The following DAB2IP variants were observed in gnomAD, a reference collection of about 807,000 sequenced individuals.
DAB2IP encodes the protein DAB2 interacting protein, also known as disabled homolog 2-interacting protein.
A neutral mutation model predicts 107.2 loss-of-function variants in DAB2IP; 28 were observed. The observed-to-expected ratio is 0.26, with a 90% confidence interval of 0.19 to 0.36. The LOEUF is 0.36. DAB2IP is among the 10% of genes least tolerant of loss of function. DAB2IP has a pLI of 1.00. For missense variants in DAB2IP, 1,400 were observed against 1,644.7 expected, an observed-to-expected ratio of 0.85 and a Z score of 2.57; for synonymous variants, 755 against 706.4, an observed-to-expected ratio of 1.07 and a Z score of -1.09.
upstream of DAB2IP, among the ~76,000 whole-genome samples, chr9:121,650,787 A>G (rs1832713163): frequency 6.6e-6 from 1 of 152,194 alleles, no homozygotes. Flanking sequence ...GGTCGGGTGG[A>G]GAAAATAGCC....
intron 1 of DAB2IP, among the ~76,000 whole-genome samples, chr9:121,602,091 C>T (rs1830702341): frequency 6.6e-6 from 1 of 152,134 alleles, no homozygotes; most frequent in Non-Finnish European, 1.5e-5. Context: ...AGTTCGAGGA[C>T]CATAGCACTA....
intron 1 of DAB2IP, among the ~76,000 whole-genome samples, chr9:121,644,036 G>A (rs1242179426): frequency 6.6e-6 from 1 of 151,932 alleles, no homozygotes; most frequent in Admixed American, 6.6e-5. Context: ...AGGCATGGTG[G>A]CACACACGCC....
At chr9:121,768,871 G>A (rs1052068557) in intron 10 of DAB2IP, among the ~76,000 whole-genome samples, 3 of 152,208 alleles carry the variant, frequency 2.0e-5, no homozygotes, top group Non-Finnish European at 2.9e-5. Flanking sequence ...GGGGTGTTCC[G>A]CATGCACTCA....
At chr9:121,666,741 G>A (rs1398160367) in intron 1 of DAB2IP, among the ~76,000 whole-genome samples, 1 of 152,018 alleles carries the variant, frequency 6.6e-6, no homozygotes, top group African/African-American at 2.4e-5. Flanking sequence ...TTCTGCACAT[G>A]TATCCCAGAA....
chr9:121,726,318 G>T (rs1316673615), intron 3 of DAB2IP, among the ~76,000 whole-genome samples: 4 of 152,218 alleles, frequency 2.6e-5, no homozygotes, highest in Non-Finnish European at 4.4e-5. Flanking sequence ...TTCCTAGGGA[G>T]GGCATGGAAG....
intron 3 of DAB2IP, among the ~76,000 whole-genome samples, chr9:121,745,654 G>A (rs1022590026): frequency 7.5e-6 from 1 of 134,186 alleles, no homozygotes; most frequent in African/African-American, 2.7e-5. Context: ...GGTGGGGGGT[G>A]GGGTGCCTTA....
Position 121,772,880 on chromosome 9 carries a change from G to T in DAB2IP, c.2352G>T (p.Gly784=). Residue 784 remains glycine, a synonymous_variant, in exon 12 of 16, where the codon GGG becomes GGT. Transcript: ENST00000408936. The surrounding 1 kb of genome is among the most constrained non-coding windows in gnomAD (Gnocchi z 4.7). ...CCGCTGCAGCTCAGCTGGTGGCCGG[G>T]TGGCCGGCCCGGGCAACCCCAGTGA... is the stretch of plus-strand genomic sequence containing the variant. 2 of 1,582,798 alleles carry T rather than the reference G, an allele frequency of 1.3e-6. No individual in the cohort carries two copies. The highest frequency in any genetic ancestry group is 1.7e-6 in the Non-Finnish European group (2 of 1,167,402).
At chr9:121,646,216 T>G (rs541901392) in intron 1 of DAB2IP, among the ~76,000 whole-genome samples, 1 of 152,196 alleles carries the variant, frequency 6.6e-6, no homozygotes, top group African/African-American at 2.4e-5. Flanking sequence ...TCATTAAATA[T>G]ATCGGTGGCT....
intron 1 of DAB2IP, among the ~76,000 whole-genome samples, chr9:121,572,802 C>T (rs933305386): frequency 3.9e-5 from 6 of 152,126 alleles, no homozygotes; most frequent in African/African-American, 1.4e-4. Flanking sequence ...TGGGCTCAGA[C>T]AGCCCGCTGG....
At chr9:121,726,514 C>A (rs973033415) in intron 3 of DAB2IP, among the ~76,000 whole-genome samples, 1 of 152,166 alleles carries the variant, frequency 6.6e-6, no homozygotes, top group African/African-American at 2.4e-5. Flanking sequence ...CACTGGTAAA[C>A]CAACACGGGG....
Position 121,699,594 on chromosome 9 carries a change from C to A in DAB2IP, c.362+136C>A. On this transcript the variant is annotated intron_variant, in intron 3 of 15. Coordinates refer to ENST00000408936, the Ensembl canonical transcript of DAB2IP. This position sits in a 1 kb window ranked among gnomAD's most constrained non-coding sequence, Gnocchi z 6.2. ...GGGACCCCACGCCGCCCGCCGGGAA[C>A]TTATGGGGCCACCTCGGCCGGACTA... 1 of 776,400 alleles carries A rather than the reference C, an allele frequency of 1.3e-6. No homozygotes were observed. The highest frequency in any genetic ancestry group is 1.9e-5 in the African/African-American group (1 of 53,842). The allele number at this position is 776,400 out of a possible 1,614,324, so 48.1% of individuals were successfully genotyped here. A position where few individuals can be genotyped will look rare whatever the true frequency, so the allele number is the denominator to read the frequency against.
At chr9:121,570,658 C>T (rs147819211) in intron 1 of DAB2IP, among the ~76,000 whole-genome samples, 4 of 152,276 alleles carry the variant, frequency 2.6e-5, no homozygotes, top group Non-Finnish European at 4.4e-5. Flanking sequence ...AAGCAATCCT[C>T]CTGCTTCAGC....
At chr9:121,767,087 G>A (rs1834339289) in intron 9 of DAB2IP, among the ~76,000 whole-genome samples, 1 of 152,174 alleles carries the variant, frequency 6.6e-6, no homozygotes, top group Middle Eastern at 3.2e-3. Flanking sequence ...CTCCAAGGGG[G>A]ACTGGCCCAT....
intron 3 of DAB2IP, among the ~76,000 whole-genome samples, chr9:121,746,470 T>A (rs1832728833): frequency 6.6e-6 from 1 of 152,180 alleles, no homozygotes; most frequent in Non-Finnish European, 1.5e-5. Flanking sequence ...GAGCTGGGGC[T>A]CTGCGGACAA....
rs551755237 is a variant in DAB2IP at position 121,631,720 on chromosome 9, A to G, written c.41-46958A>G. On this transcript the variant is annotated intron_variant, in intron 1 of 16. Transcript: ENST00000259371. ...AGCCCCAGCTACTTGGGAGGCTGAG[A>G]CAGGAGAATCGCTTGAACCCGGGAG... 5.7e-3 allele frequency among the ~76,000 whole-genome samples: 855 copies of G among 150,370 alleles called. 15 individuals carry two copies. The highest frequency in any genetic ancestry group is 6.5e-3 in the Non-Finnish European group (440 of 67,664).
intron 1 of DAB2IP, among the ~76,000 whole-genome samples, chr9:121,643,916 C>T (rs1407377719): frequency 6.6e-6 from 1 of 152,178 alleles, no homozygotes; most frequent in Non-Finnish European, 1.5e-5. Context: ...ACCTATAATC[C>T]CAGTGCTTTG....
intron 1 of DAB2IP, chr9:121,567,378 G>A: frequency 8.6e-7 from 1 of 1,164,586 alleles, no homozygotes; most frequent in East Asian, 2.4e-5. Flanking sequence ...GGGCATGGGT[G>A]CGTTGGGCTA....
chr9:121,609,873 C>T (rs10985332), intron 1 of DAB2IP, among the ~76,000 whole-genome samples: 39,386 of 152,092 alleles, frequency 0.26, 5,911 homozygotes, highest in East Asian at 0.58. Context: ...CTGCAAGAAT[C>T]CCAGTTTTGC....
chr9:121,568,005 T>TG (rs955086023), intron 1 of DAB2IP, among the ~76,000 whole-genome samples: 8 of 144,824 alleles, frequency 5.5e-5, no homozygotes, highest in Non-Finnish European at 7.6e-5. Flanking sequence ...AGGCTGGGCA[T>TG]GGGGGGGTGG....
Sources: allele counts gnomAD v4.1 joint callset (sites outside exome capture counted in the v4.1 genomes callset), GRCh38; gene constraint gnomAD v4.1.1; non-coding constraint Gnocchi (gnomAD v3.1); transcripts MANE v1.5; gene names NCBI Gene and HGNC (gene_info 2026-07-23, HGNC 2026-07-21).